ARHGAP32: variants seen among roughly 807,000 people sequenced by gnomAD.
ARHGAP32 encodes the protein rho GTPase-activating protein 32.
In ARHGAP32, 51 loss-of-function variants were observed where a neutral mutation model predicts 186.5. The ratio of observed to expected loss-of-function variants is 0.27; its 90% CI spans 0.22 to 0.35. The LOEUF (loss-of-function observed/expected upper bound fraction) is 0.35, where lower values mean the gene tolerates loss of function less well. ARHGAP32 is among the 10% of genes least tolerant of loss of function. ARHGAP32 has a pLI of 1.00. For synonymous variants in ARHGAP32, 950 were observed against 964.3 expected, an observed-to-expected ratio of 0.99 and a Z score of 0.27; for missense variants, 2,186 against 2,623.5, an observed-to-expected ratio of 0.83 and a Z score of 3.64.
chr11:129,122,043 C>G (rs1942545038), intron 5 of ARHGAP32, among the ~76,000 whole-genome samples: 1 of 152,088 alleles, frequency 6.6e-6, no homozygotes, highest in Admixed American at 6.6e-5. Flanking sequence ...AGAGGCTAAG[C>G]TACTTGCCCA....
intron 10 of ARHGAP32, among the ~76,000 whole-genome samples, chr11:129,053,787 T>C (rs1419419028): frequency 2.0e-5 from 3 of 152,160 alleles, no homozygotes; most frequent in Admixed American, 6.5e-5. Context: ...CCCCTTCTCT[T>C]GAAATTATGT....
intron 1 of ARHGAP32, among the ~76,000 whole-genome samples, chr11:129,236,515 T>C (rs75369661): frequency 1.5e-4 from 23 of 152,332 alleles, no homozygotes; most frequent in Non-Finnish European, 2.5e-4. Flanking sequence ...TCCCATTCTG[T>C]AGGTTGTCTG....
chr11:129,048,812 T>G (rs1420383355), intron 10 of ARHGAP32, among the ~76,000 whole-genome samples: 1 of 152,164 alleles, frequency 6.6e-6, no homozygotes, highest in Non-Finnish European at 1.5e-5. Context: ...TTTTAATTAA[T>G]TTGTAATACC....
At chr11:129,065,915 CCT>C (rs1940672475) in intron 7 of ARHGAP32, among the ~76,000 whole-genome samples, 1 of 152,076 alleles carries the variant, frequency 6.6e-6, no homozygotes, top group African/African-American at 2.4e-5. Context: ...CATTCAACTC[CCT>C]GACTTTCTCT....
chr11:129,193,481 CAAAAAAAA>C (rs1204964930), upstream of ARHGAP32, among the ~76,000 whole-genome samples: 1 of 26,064 alleles, frequency 3.8e-5, no homozygotes, highest in African/African-American at 1.7e-4. Flanking sequence ...GACCCTGTCT[CAAAAAAAA>C]AAAAAAAAAA....
intron 12 of ARHGAP32, among the ~76,000 whole-genome samples, chr11:128,990,583 T>G (rs1276960709): frequency 6.6e-6 from 1 of 152,222 alleles, no homozygotes; most frequent in Non-Finnish European, 1.5e-5. Context: ...GTTATGGTTA[T>G]GTAGTAAAGA....
chr11:129,032,294 G>T (rs566380392), intron 11 of ARHGAP32, among the ~76,000 whole-genome samples: 23 of 152,306 alleles, frequency 1.5e-4, no homozygotes, highest in Admixed American at 7.2e-4. Flanking sequence ...CCTACCAGTT[G>T]CCCAGAGGTG....
intron 10 of ARHGAP32, among the ~76,000 whole-genome samples, chr11:129,042,261 G>C (rs947341439): frequency 6.6e-6 from 1 of 151,942 alleles, no homozygotes; most frequent in Non-Finnish European, 1.5e-5. Flanking sequence ...AACAATTCTC[G>C]CACCTCAGCC....
chr11:129,024,647 A>T (rs1938752125), intron 11 of ARHGAP32, among the ~76,000 whole-genome samples: 1 of 152,222 alleles, frequency 6.6e-6, no homozygotes, highest in Non-Finnish European at 1.5e-5. Flanking sequence ...GGAAAAAAAT[A>T]AAAAAGGTTT....
At chr11:128,980,415 G>A (rs1046361008) in intron 18 of ARHGAP32, 138 bp downstream of exon 18, 18 of 587,158 alleles carry the variant, frequency 3.1e-5, no homozygotes, top group South Asian at 5.9e-5. Context: ...ATCCATATTC[G>A]AATAAACAGG....
intron 1 of ARHGAP32, among the ~76,000 whole-genome samples, chr11:129,274,569 T>G (rs1189367424): frequency 6.6e-6 from 1 of 152,210 alleles, no homozygotes; most frequent in Non-Finnish European, 1.5e-5. Context: ...CCAATTCTAT[T>G]TTGTTTAACT....
intron 6 of ARHGAP32, among the ~76,000 whole-genome samples, chr11:129,085,666 A>G (rs967676656): frequency 1.3e-5 from 2 of 152,128 alleles, no homozygotes; most frequent in African/African-American, 4.8e-5. Context: ...GAAAAGAAAA[A>G]CAAAGTTGGA....
In ARHGAP32 at chr11:129,098,511, C is replaced by T. The variant is rs920391880; in HGVS notation, c.445-4804G>A. 2.0e-4 allele frequency among the ~76,000 whole-genome samples: 31 copies of T among 151,742 alleles called. 1 individual carries two copies. The highest frequency in any genetic ancestry group is 4.8e-5 in the African/African-American group (2 of 41,292). Reference sequence around the variant, plus strand: ...TCGGCTCACTACAAGCTCTGCCTCCCGGGTTCACACCAATTCTCCTGCCTC... The same window carrying T: ...TCGGCTCACTACAAGCTCTGCCTCCTGGGTTCACACCAATTCTCCTGCCTC... On this transcript the variant is annotated intron_variant, in intron 5 of 22. Coordinates refer to ENST00000682385, the MANE Select transcript of ARHGAP32 (RefSeq NM_001378024.1).
chr11:129,049,531 C>A (rs1939951403), intron 10 of ARHGAP32, among the ~76,000 whole-genome samples: 1 of 152,130 alleles, frequency 6.6e-6, no homozygotes, highest in Admixed American at 6.5e-5. Context: ...TCCTTCCTTC[C>A]CCCTATCCTC....
At chr11:129,045,955 G>A (rs1939789267) in intron 10 of ARHGAP32, among the ~76,000 whole-genome samples, 1 of 152,186 alleles carries the variant, frequency 6.6e-6, no homozygotes, top group South Asian at 2.1e-4. Flanking sequence ...TTGAAAAGAG[G>A]AGACCTCCCT....
intron 1 of ARHGAP32, among the ~76,000 whole-genome samples, chr11:129,190,966 C>A (rs558020474): frequency 6.6e-6 from 1 of 152,196 alleles, no homozygotes; most frequent in African/African-American, 2.4e-5. Flanking sequence ...GAAAATTATT[C>A]TTTTAAAATT....
In ARHGAP32 at chr11:129,063,950, A is replaced by G; in HGVS notation, c.837T>C (p.His279=). 1.2e-6 allele frequency: 2 copies of G among 1,613,040 alleles called. No homozygotes were observed. The highest frequency in any genetic ancestry group is 1.7e-6 in the Non-Finnish European group (2 of 1,179,364). Residue 279 remains histidine (H), a synonymous_variant, in exon 9 of 23, where the codon CAT becomes CAC. Coordinates refer to ENST00000682385, the MANE Select transcript of ARHGAP32 (RefSeq NM_001378024.1). ...SINTPAVGAA[H]VIKRYTARAP... Reference sequence around the variant, plus strand: ...CCCGAGCAGTGTACCTCTTGATAACATGGGCAGCACCGACAGCAGGAGTGT... The same window carrying G: ...CCCGAGCAGTGTACCTCTTGATAACGTGGGCAGCACCGACAGCAGGAGTGT...
At chr11:129,208,878 T>C (rs1472034932) in intron 1 of ARHGAP32, among the ~76,000 whole-genome samples, 1 of 152,172 alleles carries the variant, frequency 6.6e-6, no homozygotes, top group Non-Finnish European at 1.5e-5. Flanking sequence ...ACTTTAGAGT[T>C]CTAAACTTTC....
In ARHGAP32 at chr11:128,965,199, C is replaced by A. The variant is rs1945194801; in HGVS notation, c.*3708G>T. 7.3e-6 allele frequency: 1 copy of A among 136,934 alleles called. No homozygotes were observed. The highest frequency in any genetic ancestry group is 1.6e-5 in the Non-Finnish European group (1 of 64,202). 8.5% of individuals were successfully genotyped at this position (136,934 alleles called of 1,614,324 possible). On this transcript the variant is annotated 3_prime_UTR_variant, in exon 23 of 23. Coordinates refer to ENST00000682385, the MANE Select transcript of ARHGAP32 (RefSeq NM_001378024.1). ...TGCCACCCCCCACCCCACCCTGCAA[C>A]CAAAGAAACAAACAAAACCCAAACC...
Sources: allele counts gnomAD v4.1 joint callset (sites outside exome capture counted in the v4.1 genomes callset), GRCh38; gene constraint gnomAD v4.1.1; transcripts MANE v1.5; gene names NCBI Gene and HGNC (gene_info 2026-07-23, HGNC 2026-07-21).